Variants in RUFY2 observed in about 807,000 individuals in gnomAD.
RUFY2 encodes the protein RUN and FYVE domain containing 2.
RUFY2 carries 49 observed loss-of-function variants against 94.4 expected under a neutral mutation model. The observed-to-expected ratio is 0.52, with a 90% CI of 0.41 to 0.66. The LOEUF is 0.66. RUFY2 is among the 30% of genes least tolerant of loss of function. RUFY2 has a pLI of 0.00. For missense variants in RUFY2, 541 were observed against 692.8 expected (o/e 0.78, Z 2.46); for synonymous variants, 255 against 235.7 (o/e 1.08, Z -0.75).
chr10:68,367,830 C>T (rs926550964), intron 13 of RUFY2, among the ~76,000 whole-genome samples: 2 of 150,180 alleles, frequency 1.3e-5, no homozygotes, highest in African/African-American at 4.9e-5. Flanking sequence ...AAACTCCTGG[C>T]GTCAAGCAAT....
intron 1 of RUFY2, chr10:68,406,744 G>A (rs1299078772): frequency 1.2e-6 from 2 of 1,604,950 alleles, no homozygotes; most frequent in South Asian, 2.2e-5. Context: ...GACCATCGCG[G>A]CGGGCTCACC....
At position 68,354,129 on chromosome 10, in the gene RUFY2, CATT is replaced by C. The variant is rs550658710; in HGVS notation, c.1599+1221_1599+1223del. 1.1e-4 allele frequency among the ~76,000 whole-genome samples: 17 copies of C among 152,202 alleles called. No individual in the cohort carries two copies. The East Asian group carries it at 3.1e-3, about 28-fold the overall frequency. On this transcript the variant is annotated intron_variant, in intron 16 of 17. Transcript: ENST00000602465. ...AACAAGAGACTGCTACCATCATCAT[CATT>C]ATTATTAATAATATTATTTGGAGTT...
intron 3 of RUFY2, among the ~76,000 whole-genome samples, chr10:68,397,566 T>A (rs1300503003): frequency 6.6e-6 from 1 of 150,578 alleles, no homozygotes; most frequent in East Asian, 1.9e-4. Flanking sequence ...CCTGTCTCTA[T>A]ATAAAAAAAA....
At chr10:68,394,660 T>C (rs1056413987) in intron 4 of RUFY2, among the ~76,000 whole-genome samples, 2 of 151,964 alleles carry the variant, frequency 1.3e-5, no homozygotes, top group Non-Finnish European at 2.9e-5. Flanking sequence ...GACGAAGTCT[T>C]GCTCTTTCAC....
intron 13 of RUFY2, among the ~76,000 whole-genome samples, chr10:68,373,299 A>G (rs2048400966): frequency 6.6e-6 from 1 of 152,238 alleles, no homozygotes; most frequent in Admixed American, 6.5e-5. Flanking sequence ...AATTCTAAAT[A>G]ATGTTCATGT....
chr10:68,366,321 A>G (rs2047808764), intron 13 of RUFY2, among the ~76,000 whole-genome samples: 2 of 126,850 alleles, frequency 1.6e-5, no homozygotes, highest in Admixed American at 1.9e-4. Context: ...CTGAGCAAGA[A>G]CTCCATCTCA....
chr10:68,385,430 G>A (rs2049421168), intron 8 of RUFY2, among the ~76,000 whole-genome samples: 2 of 152,074 alleles, frequency 1.3e-5, no homozygotes, highest in South Asian at 4.1e-4. Context: ...AAAGAGAGCT[G>A]AGATAAATTT....
At chr10:68,399,117 C>T (rs2050621935) in intron 3 of RUFY2, among the ~76,000 whole-genome samples, 2 of 151,844 alleles carry the variant, frequency 1.3e-5, no homozygotes, top group South Asian at 4.2e-4. Context: ...GACCTTGGCT[C>T]ACTGCAACTT....
intron 13 of RUFY2, among the ~76,000 whole-genome samples, chr10:68,373,203 C>T (rs1394444405): frequency 2.0e-5 from 3 of 152,070 alleles, no homozygotes; most frequent in Non-Finnish European, 4.4e-5. Flanking sequence ...GGAAAAATAG[C>T]ATATGTGTAA....
At position 68,344,397 on chromosome 10, in the gene RUFY2, G is replaced by C. The variant is rs1169493336; in HGVS notation, c.*1371C>G. 6.6e-6 allele frequency: 1 copy of C among 152,074 alleles called. No homozygotes were observed. The highest frequency in any genetic ancestry group is 2.4e-5 in the African/African-American group (1 of 41,398). 9.4% of individuals were successfully genotyped at this position (152,074 alleles called of 1,614,324 possible). A position where few individuals can be genotyped will look rare whatever the true frequency, so the allele number is the denominator to read the frequency against. ...ATAGGCTCACAAACTTAAAGTGCAT[G>C]GTTAAAAATTAATGTAAAAAATAGG... On this transcript the variant is annotated 3_prime_UTR_variant, in exon 18 of 18. Coordinates refer to ENST00000602465, the MANE Select transcript of RUFY2 (RefSeq NM_001330103.2).
chr10:68,343,808 T>TTAAAAAAAAAAAAAA lies in RUFY2; in HGVS notation c.*1959_*1960insTTTTTTTTTTTTTTA, dbSNP rs1554869876. On this transcript the variant is annotated 3_prime_UTR_variant, in exon 18 of 18. Coordinates refer to ENST00000602465, the MANE Select transcript of RUFY2 (RefSeq NM_001330103.2). ...GCAAGTTGCTGTCATAAAAGCTGCC[T>TTAAAAAAAAAAAAAA]AAAAAAAAAAAAAAAAAAAAAAAAA... The TTAAAAAAAAAAAAAA allele has an allele frequency of 9.5e-5, 11 of 115,680 alleles. 4 individuals carry two copies. The highest frequency in any genetic ancestry group is 2.4e-4 in the East Asian group (1 of 4,230). 7.2% of individuals were successfully genotyped at this position (115,680 alleles called of 1,614,324 possible).
At chr10:68,342,023 T>C (rs1414709811), downstream of RUFY2, 2 of 1,614,014 alleles carry the variant, frequency 1.2e-6, no homozygotes, top group Admixed American at 1.7e-5. Flanking sequence ...CAAGGCGGCA[T>C]GAGTGGAGGT....
intron 1 of RUFY2, chr10:68,405,650 A>G: frequency 1.1e-6 from 1 of 939,926 alleles, no homozygotes; most frequent in African/African-American, 1.8e-5. Flanking sequence ...CACAACAAAC[A>G]TGACAGGTAA....
At chr10:68,400,512 TA>T (rs2050742958) in intron 3 of RUFY2, among the ~76,000 whole-genome samples, 1 of 146,662 alleles carries the variant, frequency 6.8e-6, no homozygotes, top group Non-Finnish European at 1.5e-5. Context: ...CCGTCTCTAC[TA>T]AAAATACAAA....
intron 15 of RUFY2, among the ~76,000 whole-genome samples, chr10:68,361,413 G>A (rs2047456446): frequency 6.6e-6 from 1 of 152,196 alleles, no homozygotes; most frequent in Non-Finnish European, 1.5e-5. Context: ...ATATTGTGAG[G>A]ATTGCTCACT....
intron 13 of RUFY2, among the ~76,000 whole-genome samples, chr10:68,366,492 C>T (rs2047829119): frequency 6.6e-6 from 1 of 151,236 alleles, no homozygotes; most frequent in Non-Finnish European, 1.5e-5. Context: ...CCTGTAACTC[C>T]AGCACTTTGG....
chr10:68,406,847 A>G, intron 1 of RUFY2: 1 of 1,611,548 alleles, frequency 6.2e-7, no homozygotes. Flanking sequence ...CGCCACCCCC[A>G]AACCTGAAAA....
At chr10:68,363,925 CT>C (rs2047633221) in intron 14 of RUFY2, 58 bp downstream of exon 14, 2 of 1,307,788 alleles carry the variant, frequency 1.5e-6, no homozygotes. Flanking sequence ...TATGATTTAT[CT>C]TTTTAAATAA....
intron 10 of RUFY2, among the ~76,000 whole-genome samples, 172 bp from the exon 11 acceptor site, chr10:68,381,571 G>A (rs10823186): frequency 0.17 from 26,113 of 152,144 alleles, 2,409 homozygotes; most frequent in South Asian, 0.25. Flanking sequence ...AGGGCCAGGC[G>A]CAGTGGCTCA....
Sources: gnomAD v4.1 joint callset for allele counts (sites outside exome capture counted in the v4.1 genomes callset) on GRCh38, gnomAD v4.1.1 for gene constraint, MANE v1.5 for transcripts, NCBI Gene and HGNC (gene_info 2026-07-23, HGNC 2026-07-21) for gene names.